The following DCAF4 variants were observed in gnomAD, a reference collection of about 807,000 sequenced individuals.
DCAF4 encodes DDB1- and CUL4-associated factor 4.
Under a neutral mutation model 60.9 loss-of-function variants are expected in DCAF4, and 37 were observed. The ratio of observed to expected loss-of-function variants is 0.61; its 90% confidence interval spans 0.47 to 0.80. The LOEUF is 0.80. Ranked by LOEUF, DCAF4 falls within the 30% of genes least tolerant of loss-of-function variation. DCAF4 has a pLI of 0.00. For synonymous variants in DCAF4, 243 were observed against 254.8 expected, an observed-to-expected ratio of 0.95 and a Z score of 0.44; for missense variants, 577 against 650.0, an observed-to-expected ratio of 0.89 and a Z score of 1.22.
At chr14:72,927,937 T>C (rs1202981428) in intron 1 of DCAF4, among the ~76,000 whole-genome samples, 2 of 152,076 alleles carry the variant, frequency 1.3e-5, no homozygotes, top group East Asian at 3.9e-4. Context: ...ATTATAGGCA[T>C]GCACCACCAC....
At position 72,927,355 on chromosome 14, in the gene DCAF4, T is replaced by C. The variant is rs1455034767; in HGVS notation, c.-9+812T>C. Among the ~76,000 whole-genome samples, 9 of 139,658 alleles carry C rather than the reference T, an allele frequency of 6.4e-5. 1 individual carries two copies. The highest frequency in any genetic ancestry group is 3.5e-4 in the Admixed American group (5 of 14,104). 91.6% of individuals were successfully genotyped at this position (139,658 alleles called of 152,430 possible). ...TCGCGGTGGTGTTCTTTTTTTTTTTTTTTTTTTTTTTTTTTTGAGGCGGAG... is the reference window on the plus strand; with the variant it reads ...TCGCGGTGGTGTTCTTTTTTTTTTTCTTTTTTTTTTTTTTTTGAGGCGGAG... On this transcript the variant is annotated intron_variant, in intron 1 of 13. Coordinates refer to ENST00000358377, the MANE Select transcript of DCAF4 (RefSeq NM_015604.4).
chr14:72,946,118 G>A, intron 7 of DCAF4, 91 bp downstream of exon 7: 1 of 1,483,452 alleles, frequency 6.7e-7, no homozygotes, highest in Non-Finnish European at 9.2e-7. Flanking sequence ...TGGGGAAGAG[G>A]GCAGAGCATA....
downstream of DCAF4, among the ~76,000 whole-genome samples, chr14:72,960,396 C>T (rs555685433): frequency 2.0e-5 from 3 of 152,006 alleles, no homozygotes; most frequent in East Asian, 1.9e-4. Flanking sequence ...GTGATCTGCC[C>T]GCCTCAGCCT....
Position 72,959,153 on chromosome 14 carries a change from C to T in DCAF4, c.*348C>T. On this transcript the variant is annotated 3_prime_UTR_variant, in exon 14 of 14. Transcript: ENST00000358377. The stretch of plus-strand genomic sequence containing the variant: ...AACGAAAAGCTTCTTCCTCCAAGAG[C>T]CCATTGAAGAAGCCCAGTGATGAGA... The T allele has an allele frequency of 4.0e-6, 4 of 1,008,434 alleles. No individual in the cohort carries two copies. The highest frequency in any genetic ancestry group is 4.7e-6 in the Non-Finnish European group (4 of 844,726). 62.5% of individuals were successfully genotyped at this position (1,008,434 alleles called of 1,614,324 possible). A position where few individuals can be genotyped will look rare whatever the true frequency, so the allele number is the denominator to read the frequency against.
intron 7 of DCAF4, 139 bp downstream of exon 7, chr14:72,946,166 G>C: frequency 9.1e-7 from 1 of 1,104,104 alleles, no homozygotes; most frequent in Non-Finnish European, 1.3e-6. Context: ...TTTTTTACTT[G>C]AGCCTAGGAG....
At chr14:72,942,781 C>T in intron 5 of DCAF4, 1 of 553,964 alleles carries the variant, frequency 1.8e-6, no homozygotes, top group Non-Finnish European at 3.2e-6. Flanking sequence ...AAATGGGCCA[C>T]CCACTTCTTC....
intron 7 of DCAF4, 42 bp downstream of exon 7, chr14:72,946,069 TG>T (rs1567313980): frequency 6.2e-7 from 1 of 1,606,180 alleles, no homozygotes; most frequent in East Asian, 2.2e-5. Flanking sequence ...CACTTGACCC[TG>T]GGGGTAGTTG....
Position 72,954,135 on chromosome 14 carries a change from C to T in DCAF4, c.809-29C>T, listed in dbSNP as rs766977736. The T allele has an allele frequency of 2.5e-6, 4 of 1,613,212 alleles. 1 individual carries two copies. The highest frequency in any genetic ancestry group is 1.7e-6 in the Non-Finnish European group (2 of 1,179,326). On this transcript the variant is annotated intron_variant, in intron 9 of 13. Transcript: ENST00000358377. ...CCCTGGCCTGCCTAGAAGGCAGCCA[C>T]ACTTTACATTCTCCTATCCCCTTAG...
At chr14:72,960,067 A>C (rs371607121), downstream of DCAF4, among the ~76,000 whole-genome samples, 10 of 152,276 alleles carry the variant, frequency 6.6e-5, no homozygotes, top group South Asian at 1.0e-3. Flanking sequence ...TTGCTGGCCC[A>C]GAATGCCTCA....
At chr14:72,933,086 T>G (rs887330894) in intron 1 of DCAF4, among the ~76,000 whole-genome samples, 1 of 152,198 alleles carries the variant, frequency 6.6e-6, no homozygotes, top group African/African-American at 2.4e-5. Context: ...CTGCGCATTG[T>G]AGGGTGGTTA....
chr14:72,927,002 T>C (rs1285915137), intron 1 of DCAF4: 1 of 152,334 alleles, frequency 6.6e-6, no homozygotes, highest in Non-Finnish European at 1.5e-5. Context: ...TCACAGGCGC[T>C]AACATTTGCC....
At chr14:72,929,273 C>T (rs1175213863) in intron 1 of DCAF4, among the ~76,000 whole-genome samples, 1 of 152,218 alleles carries the variant, frequency 6.6e-6, no homozygotes, top group Non-Finnish European at 1.5e-5. Context: ...AAATGTGTGC[C>T]GCTTTTGTGT....
intron 1 of DCAF4, among the ~76,000 whole-genome samples, chr14:72,928,535 C>T (rs1374356687): frequency 6.6e-6 from 1 of 150,982 alleles, no homozygotes; most frequent in African/African-American, 2.4e-5. Flanking sequence ...TGTTGGATAT[C>T]TAGGATGTTT....
chr14:72,952,235 G>C (rs555286248), intron 9 of DCAF4, among the ~76,000 whole-genome samples: 2 of 152,180 alleles, frequency 1.3e-5, no homozygotes, highest in Non-Finnish European at 2.9e-5. Context: ...AAGGCAATTT[G>C]ACTCCTCCTT....
chr14:72,950,689 C>T lies in DCAF4; in HGVS notation c.729-1109C>T, dbSNP rs145655881. 2.4e-3 allele frequency among the ~76,000 whole-genome samples: 364 copies of T among 152,120 alleles called. 2 individuals are homozygous for T. In the Middle Eastern group the frequency reaches 0.034, roughly 14 times the overall value. On this transcript the variant is annotated intron_variant, in intron 8 of 13. Coordinates refer to ENST00000358377, the MANE Select transcript of DCAF4 (RefSeq NM_015604.4). ...ACTATGCTCATGTGAACAGAGACAC[C>T]CACATGTAGTCAGGGAAATGCAAAT...
At chr14:72,937,410 CT>C (rs11288108) in intron 1 of DCAF4, among the ~76,000 whole-genome samples, 14,750 of 105,404 alleles carry the variant, frequency 0.14, 716 homozygotes, top group East Asian at 0.2. Context: ...TTTTTCTTTT[CT>C]TTTTTTTTTT....
chr14:72,951,950 A>G, intron 9 of DCAF4, 73 bp downstream of exon 9: 1 of 1,514,368 alleles, frequency 6.6e-7, no homozygotes, highest in Non-Finnish European at 9.2e-7. Context: ...GCTTAGAGAG[A>G]AGTATGGGGC....
rs142103860 is a variant in DCAF4 at position 72,944,085 on chromosome 14, C to T, written c.534+989C>T. 5.6e-3 allele frequency among the ~76,000 whole-genome samples: 847 copies of T among 152,124 alleles called. 7 individuals are homozygous for T. Among genetic ancestry groups the T allele is most frequent in the South Asian group, 0.018 (86 of 4,810 alleles). ...TTCCCTGGGGTAAAGTGGGTGGGGA[C>T]GGTGGGGGTCATTGGTGTGTGGGGT... On this transcript the variant is annotated intron_variant, in intron 6 of 13. Coordinates refer to ENST00000358377, the MANE Select transcript of DCAF4 (RefSeq NM_015604.4).
chr14:72,935,599 G>A (rs1219778196), intron 1 of DCAF4, among the ~76,000 whole-genome samples: 1 of 152,228 alleles, frequency 6.6e-6, no homozygotes, highest in African/African-American at 2.4e-5. Flanking sequence ...ATTACTTGAG[G>A]TTGGCAGGCT....
Sources: gnomAD v4.1 joint callset for allele counts (sites outside exome capture counted in the v4.1 genomes callset) on GRCh38, gnomAD v4.1.1 for gene constraint, MANE v1.5 for transcripts, NCBI Gene and HGNC (gene_info 2026-07-23, HGNC 2026-07-21) for gene names.